The following PRKCA variants were observed in gnomAD, a reference collection of about 807,000 sequenced individuals.
PRKCA encodes the protein protein kinase C alpha.
PRKCA carries 27 observed loss-of-function variants against 87.0 expected under a neutral mutation model. The observed-to-expected ratio is 0.31, with a 90% CI of 0.23 to 0.43. The LOEUF is 0.43. PRKCA is among the 20% of genes least tolerant of loss of function. The probability of loss-of-function intolerance (pLI) is 1.00; values close to 1 mark genes in which losing one functional copy is unlikely to be tolerated. For missense variants in PRKCA, 518 were observed against 852.3 expected (o/e 0.61, Z 4.88); for synonymous variants, 329 against 311.1 (o/e 1.06, Z -0.61).
chr17:66,437,987 T>C (rs569993038), intron 2 of PRKCA, among the ~76,000 whole-genome samples: 1 of 148,960 alleles, frequency 6.7e-6, no homozygotes, highest in East Asian at 1.9e-4. Context: ...TAGGTGCTAC[T>C]GTGCCCTTTA....
At chr17:66,702,226 G>GTA (rs1973082074) in intron 8 of PRKCA, among the ~76,000 whole-genome samples, 2 of 152,012 alleles carry the variant, frequency 1.3e-5, no homozygotes, top group African/African-American at 4.8e-5. Flanking sequence ...GTGTGTATAT[G>GTA]TATATATAAT....
chr17:66,424,474 T>C (rs1912670898), intron 2 of PRKCA, among the ~76,000 whole-genome samples: 1 of 151,354 alleles, frequency 6.6e-6, no homozygotes, highest in Non-Finnish European at 1.5e-5. Flanking sequence ...GGCTGAGGCA[T>C]GAGAATTGCT....
intron 2 of PRKCA, among the ~76,000 whole-genome samples, chr17:66,399,726 G>T (rs929579536): frequency 6.6e-6 from 1 of 152,128 alleles, no homozygotes; most frequent in East Asian, 1.9e-4. Flanking sequence ...TTTGTGATTC[G>T]CTTGTTTCAC....
intron 3 of PRKCA, among the ~76,000 whole-genome samples, chr17:66,538,887 A>G (rs1176898512): frequency 2.6e-5 from 4 of 152,192 alleles, no homozygotes; most frequent in African/African-American, 9.7e-5. Context: ...CAGGGAGAAC[A>G]GCATCGCCAT....
intron 8 of PRKCA, 135 bp from the exon 9 acceptor site, chr17:66,732,553 T>A (rs1973928854): frequency 9.2e-7 from 1 of 1,084,820 alleles, no homozygotes. Flanking sequence ...AGGTACTCAA[T>A]TCTCACCCTT....
chr17:66,626,090 A>G (rs1337675208), intron 3 of PRKCA, among the ~76,000 whole-genome samples: 1 of 152,204 alleles, frequency 6.6e-6, no homozygotes, highest in African/African-American at 2.4e-5. Flanking sequence ...CTCTGCGTAC[A>G]GGTGAAGCAT....
At chr17:66,432,096 T>G (rs577089730) in intron 2 of PRKCA, among the ~76,000 whole-genome samples, 1 of 152,030 alleles carries the variant, frequency 6.6e-6, no homozygotes, top group Non-Finnish European at 1.5e-5. Flanking sequence ...AACAACAAGG[T>G]AAATTTATTA....
chr17:66,752,909 G>C (rs184814575), intron 13 of PRKCA, among the ~76,000 whole-genome samples: 73 of 152,338 alleles, frequency 4.8e-4, no homozygotes, highest in African/African-American at 1.6e-3. Flanking sequence ...GCAGGTCAAA[G>C]ACAGTGAGGA....
rs368526041 is a variant in PRKCA, at chr17:66,804,984, C to G, written c.*947C>G. 5.1e-6 allele frequency: 5 copies of G among 984,874 alleles called. No homozygotes were observed. Among genetic ancestry groups the G allele is most frequent in the African/African-American group, 3.5e-5 (2 of 57,206 alleles). 61.0% of individuals were successfully genotyped at this position (984,874 alleles called of 1,614,324 possible). On this transcript the variant is annotated 3_prime_UTR_variant, in exon 17 of 17. Transcript: ENST00000413366. ...CAAGAAGCTGAAGTGTACGCCCTCTCCCCTTTTGTGCTTATTTATTTAATA... is the reference window on the plus strand; with the variant it reads ...CAAGAAGCTGAAGTGTACGCCCTCTGCCCTTTTGTGCTTATTTATTTAATA...
At chr17:66,546,985 C>G (rs899618382) in intron 3 of PRKCA, among the ~76,000 whole-genome samples, 4 of 152,204 alleles carry the variant, frequency 2.6e-5, no homozygotes, top group Non-Finnish European at 5.9e-5. Context: ...ACTGTAGCAT[C>G]TCCCATATCT....
At chr17:66,532,748 T>C (rs1186479237) in intron 3 of PRKCA, among the ~76,000 whole-genome samples, 1 of 152,158 alleles carries the variant, frequency 6.6e-6, no homozygotes, top group African/African-American at 2.4e-5. Flanking sequence ...TTCCTTCCAC[T>C]CACATCCCCT....
At chr17:66,479,135 T>C (rs1347398587) in intron 2 of PRKCA, among the ~76,000 whole-genome samples, 3 of 152,116 alleles carry the variant, frequency 2.0e-5, no homozygotes, top group Non-Finnish European at 4.4e-5. Context: ...AGCAAAGATC[T>C]AATATCCAAC....
intron 3 of PRKCA, among the ~76,000 whole-genome samples, chr17:66,583,334 A>T (rs762462875): frequency 7.2e-5 from 11 of 152,108 alleles, no homozygotes; most frequent in Non-Finnish European, 1.2e-4. Flanking sequence ...ATAGCTGTAG[A>T]CATCTAATCC....
intron 2 of PRKCA, among the ~76,000 whole-genome samples, chr17:66,478,331 C>T (rs1233256599): frequency 2.0e-5 from 3 of 152,152 alleles, no homozygotes; most frequent in East Asian, 1.9e-4. Context: ...CGCAGCTCAC[C>T]GCAATCTCCG....
intron 5 of PRKCA, among the ~76,000 whole-genome samples, chr17:66,669,220 G>C (rs1426378958): frequency 2.0e-5 from 3 of 152,230 alleles, no homozygotes; most frequent in African/African-American, 7.2e-5. Flanking sequence ...GCTATATAAA[G>C]AGACAGAAAA....
chr17:66,502,907 C>A (rs1018929378), intron 3 of PRKCA, among the ~76,000 whole-genome samples: 1 of 152,174 alleles, frequency 6.6e-6, no homozygotes. Flanking sequence ...GATCCGCCTG[C>A]CTTGGCCTCC....
chr17:66,303,505 G>GT (rs991842042), intron 1 of PRKCA, among the ~76,000 whole-genome samples: 1 of 151,840 alleles, frequency 6.6e-6, no homozygotes, highest in Non-Finnish European at 1.5e-5. Flanking sequence ...GTTCGGGGTG[G>GT]GGGGGTTGTG....
At chr17:66,697,059 C>A (rs981288379) in intron 8 of PRKCA, among the ~76,000 whole-genome samples, 3 of 152,228 alleles carry the variant, frequency 2.0e-5, no homozygotes, top group Non-Finnish European at 2.9e-5. Flanking sequence ...GTCATCACAC[C>A]TCGCCTGTCT....
chr17:66,616,336 G>T (rs941339979), intron 3 of PRKCA, among the ~76,000 whole-genome samples: 2 of 152,192 alleles, frequency 1.3e-5, no homozygotes, highest in Admixed American at 1.3e-4. Context: ...CTAAGACTTG[G>T]ATTCTGGCTG....
Sources: allele counts gnomAD v4.1 joint callset (sites outside exome capture counted in the v4.1 genomes callset), GRCh38; gene constraint gnomAD v4.1.1; transcripts MANE v1.5; gene names NCBI Gene and HGNC (gene_info 2026-07-23, HGNC 2026-07-21).